Variants in FHIT observed in about 807,000 individuals in gnomAD.
FHIT encodes fragile histidine triad diadenosine triphosphatase.
FHIT carries 19 observed loss-of-function variants against 17.9 expected under a neutral mutation model. That is an observed-to-expected ratio of 1.06 (90% CI 0.74 to 1.56). The LOEUF (loss-of-function observed/expected upper bound fraction) is 1.56, where lower values mean the gene tolerates loss of function less well. Ranked by LOEUF, FHIT falls within the 40% of genes most tolerant of loss-of-function variation. The probability of loss-of-function intolerance (pLI) is 0.00; values close to 1 mark genes in which losing one functional copy is unlikely to be tolerated. For missense variants in FHIT, 248 were observed against 189.2 expected (o/e 1.31, Z -1.82); for synonymous variants, 81 against 69.7 (o/e 1.16, Z -0.81).
At chr3:60,264,183 C>G (rs1329972061) in intron 5 of FHIT, among the ~76,000 whole-genome samples, 1 of 151,898 alleles carries the variant, frequency 6.6e-6, no homozygotes, top group Non-Finnish European at 1.5e-5. Context: ...CACTTAAATC[C>G]TAGAAGAAAA....
chr3:61,206,361 A>C (rs2039230276), intron 1 of FHIT, among the ~76,000 whole-genome samples: 1 of 140,766 alleles, frequency 7.1e-6, no homozygotes, highest in Admixed American at 7.6e-5. Flanking sequence ...GAAGAAAGTC[A>C]TTGGTAGCTT....
chr3:60,925,401 A>AT (rs1707537143), intron 3 of FHIT, among the ~76,000 whole-genome samples: 1 of 152,208 alleles, frequency 6.6e-6, no homozygotes, highest in Non-Finnish European at 1.5e-5. Context: ...GTGGAGGCCA[A>AT]TATTCAACAT....
intron 3 of FHIT, among the ~76,000 whole-genome samples, chr3:61,011,018 C>A (rs2031758666): frequency 6.6e-6 from 1 of 152,196 alleles, no homozygotes; most frequent in African/African-American, 2.4e-5. Context: ...TGAGAAATTT[C>A]TCTTCACTTA....
intron 4 of FHIT, among the ~76,000 whole-genome samples, chr3:60,572,720 TA>T: frequency 6.6e-6 from 1 of 152,180 alleles, no homozygotes; most frequent in Non-Finnish European, 1.5e-5. Context: ...ATGGAAAGGA[TA>T]GAAGGCTTTA....
At chr3:59,868,886 A>G (rs967709089) in intron 8 of FHIT, among the ~76,000 whole-genome samples, 30 of 152,188 alleles carry the variant, frequency 2.0e-4, no homozygotes, top group African/African-American at 7.2e-4. Context: ...ATAAAATCCC[A>G]GGGAAAGATT....
intron 8 of FHIT, among the ~76,000 whole-genome samples, chr3:59,868,066 A>AC (rs1702740953): frequency 2.0e-5 from 3 of 149,770 alleles, no homozygotes; most frequent in Non-Finnish European, 4.4e-5. Flanking sequence ...AAAAAAAAAA[A>AC]CCTTTCATTG....
chr3:60,844,814 T>G (rs1182151059), intron 3 of FHIT, among the ~76,000 whole-genome samples: 1 of 152,156 alleles, frequency 6.6e-6, no homozygotes, highest in Non-Finnish European at 1.5e-5. Flanking sequence ...TTCATTTTCT[T>G]GATTTATTTC....
Position 61,188,201 on chromosome 3 carries a change from G to A in FHIT, c.-164+12416C>T, listed in dbSNP as rs1160147980. 1.1e-4 allele frequency among the ~76,000 whole-genome samples: 16 copies of A among 152,096 alleles called. No individual in the cohort carries two copies. The South Asian group carries it at 2.7e-3, about 26-fold the overall frequency. On this transcript the variant is annotated intron_variant, in intron 2 of 9. Coordinates refer to ENST00000492590, the MANE Select transcript of FHIT (RefSeq NM_002012.4). ...GACCGCTAGCAAGACTAATAAAGAA[G>A]AAAAGAGAGAAGAATCAAATAGATG...
At chr3:60,176,939 A>G (rs1237750697) in intron 5 of FHIT, among the ~76,000 whole-genome samples, 1 of 152,174 alleles carries the variant, frequency 6.6e-6, no homozygotes, top group East Asian at 1.9e-4. Flanking sequence ...GAAACCAAGG[A>G]GGGCAAAGCA....
chr3:61,248,523 G>A (rs1412903391), intron 1 of FHIT, among the ~76,000 whole-genome samples: 1 of 152,148 alleles, frequency 6.6e-6, no homozygotes, highest in East Asian at 1.9e-4. Flanking sequence ...ATAGATTTCT[G>A]AGAGTTCATA....
rs150724232 is a variant in FHIT, at chr3:60,061,647, T to C, written c.104-47495A>G. On this transcript the variant is annotated intron_variant, in intron 5 of 9. Transcript: ENST00000492590. ...TTTTTCTTCCACAAGTTTTACATCA[T>C]AGAGTGTTAAATATTAAAATATTGC... 3.0e-3 allele frequency among the ~76,000 whole-genome samples: 451 copies of C among 152,328 alleles called. 1 individual carries two copies. Among genetic ancestry groups the C allele is most frequent in the African/African-American group, 0.01 (421 of 41,576 alleles).
intron 4 of FHIT, among the ~76,000 whole-genome samples, chr3:60,685,795 A>T (rs937007641): frequency 6.6e-6 from 1 of 152,210 alleles, no homozygotes; most frequent in Non-Finnish European, 1.5e-5. Flanking sequence ...TTGAAATTAC[A>T]TCTACCTGTA....
chr3:61,234,486 G>A (rs11130834), intron 1 of FHIT, among the ~76,000 whole-genome samples: 48,143 of 151,930 alleles, frequency 0.32, 8,196 homozygotes, highest in East Asian at 0.58. Context: ...AAACAAAACT[G>A]TATGTAAAGT....
At chr3:61,120,860 G>A (rs1443840233) in intron 2 of FHIT, among the ~76,000 whole-genome samples, 2 of 151,884 alleles carry the variant, frequency 1.3e-5, no homozygotes, top group African/African-American at 4.8e-5. Flanking sequence ...AAAGGTTAGA[G>A]GAATTGCTAA....
At chr3:61,129,008 G>A (rs2036691235) in intron 2 of FHIT, among the ~76,000 whole-genome samples, 2 of 152,162 alleles carry the variant, frequency 1.3e-5, no homozygotes, top group African/African-American at 2.4e-5. Context: ...AGGAGGGCAA[G>A]CAAGGCATTA....
chr3:60,664,438 C>T (rs1240215420), intron 4 of FHIT, among the ~76,000 whole-genome samples: 2 of 151,904 alleles, frequency 1.3e-5, no homozygotes, highest in African/African-American at 2.4e-5. Context: ...TTCCTCCCTC[C>T]CCCTTCTTCC....
intron 1 of FHIT, among the ~76,000 whole-genome samples, chr3:61,233,058 AC>A (rs2040145250): frequency 6.6e-6 from 1 of 152,174 alleles, no homozygotes; most frequent in African/African-American, 2.4e-5. Flanking sequence ...TTCACTTTAT[AC>A]CTTTTTATAT....
At chr3:59,797,189 ATT>A (rs201641033) in intron 8 of FHIT, among the ~76,000 whole-genome samples, 49 of 145,102 alleles carry the variant, frequency 3.4e-4, no homozygotes, top group African/African-American at 1.0e-3. Flanking sequence ...TGATATTACA[ATT>A]TTTTTTTTTT....
At chr3:60,409,108 T>A (rs1334512823) in intron 5 of FHIT, among the ~76,000 whole-genome samples, 2 of 152,184 alleles carry the variant, frequency 1.3e-5, no homozygotes, top group African/African-American at 4.8e-5. Context: ...ACAGATTTCA[T>A]TGGATTCTTG....
Sources: gnomAD v4.1 joint callset for allele counts (sites outside exome capture counted in the v4.1 genomes callset) on GRCh38, gnomAD v4.1.1 for gene constraint, MANE v1.5 for transcripts, NCBI Gene and HGNC (gene_info 2026-07-23, HGNC 2026-07-21) for gene names.